The following ADGRV1 variants were observed in gnomAD, a reference collection of about 807,000 sequenced individuals.
The protein encoded by ADGRV1 is adhesion G protein-coupled receptor V1.
ADGRV1 carries 359 observed loss-of-function variants against 596.2 expected under a neutral mutation model. That is an observed-to-expected ratio of 0.60 (90% CI 0.55 to 0.66). The LOEUF is 0.66. Among genes scored for constraint, ADGRV1 ranks in the 30% least tolerant of loss-of-function variants. The pLI is 0.00. For missense variants in ADGRV1, 7,274 were observed against 7,575.6 expected (o/e 0.96, Z 1.48); for synonymous variants, 2,681 against 2,679.2 (o/e 1.00, Z -0.02).
In ADGRV1 at chr5:90,741,289, T is replaced by A. The variant is rs142233937; in HGVS notation, c.10550-3757T>A. ...CTGCCTGTCTCTGTTCTGCTCATTC[T>A]TTCCTTAAATAACTTCTCTTTACAT... On this transcript the variant is annotated intron_variant, in intron 50 of 89. Coordinates refer to ENST00000405460, the MANE Select transcript of ADGRV1 (RefSeq NM_032119.4). 3.2e-4 allele frequency among the ~76,000 whole-genome samples: 49 copies of A among 152,336 alleles called. 1 individual carries two copies. The East Asian group carries it at 8.3e-3, about 26-fold the overall frequency.
intron 85 of ADGRV1, among the ~76,000 whole-genome samples, chr5:91,043,151 C>T (rs1785509207): frequency 2.0e-5 from 3 of 152,136 alleles, no homozygotes; most frequent in Admixed American, 2.0e-4. Context: ...TTCATTATTT[C>T]AGATGTAATC....
intron 87 of ADGRV1, among the ~76,000 whole-genome samples, chr5:91,120,523 A>G (rs187289506): frequency 6.6e-6 from 1 of 152,156 alleles, no homozygotes; most frequent in East Asian, 1.9e-4. Context: ...CAAATTTTCT[A>G]CACTGAACAT....
intron 1 of ADGRV1, among the ~76,000 whole-genome samples, chr5:90,601,585 C>A (rs558739739): frequency 1.3e-5 from 2 of 152,022 alleles, no homozygotes; most frequent in Non-Finnish European, 2.9e-5. Flanking sequence ...TCAAAATAAC[C>A]AAATAAAGTC....
chr5:90,821,371 G>A (rs1464532476), intron 75 of ADGRV1, among the ~76,000 whole-genome samples: 34 of 150,730 alleles, frequency 2.3e-4, no homozygotes, highest in East Asian at 1.4e-3. Context: ...ATGTCCTCCC[G>A]TAGCTCAGAG....
intron 83 of ADGRV1, among the ~76,000 whole-genome samples, chr5:90,903,165 C>G (rs1772006916): frequency 6.6e-6 from 1 of 152,016 alleles, no homozygotes; most frequent in South Asian, 2.1e-4. Context: ...TGGAAAAATC[C>G]TATTGGATCA....
intron 85 of ADGRV1, among the ~76,000 whole-genome samples, chr5:91,053,196 C>T (rs73187156): frequency 0.037 from 5,664 of 152,232 alleles, 147 homozygotes; most frequent in South Asian, 0.12. Context: ...CCTTATATTA[C>T]AGCTCTCTTG....
At chr5:91,009,657 A>AT (rs140831636) in intron 85 of ADGRV1, among the ~76,000 whole-genome samples, 28,907 of 151,996 alleles carry the variant, frequency 0.19, 2,918 homozygotes, top group East Asian at 0.35. Context: ...TATGATTTTA[A>AT]TAAAAGAATT....
chr5:90,639,671 G>A (rs1028211506), intron 11 of ADGRV1, among the ~76,000 whole-genome samples: 4 of 152,030 alleles, frequency 2.6e-5, no homozygotes, highest in African/African-American at 9.7e-5. Context: ...GTTTTAATTT[G>A]ACTAGTAATT....
intron 48 of ADGRV1, 62 bp downstream of exon 48, chr5:90,725,718 AATT>A: frequency 1.1e-6 from 1 of 924,786 alleles, no homozygotes; most frequent in Non-Finnish European, 1.7e-6. Flanking sequence ...TTATAATTGA[AATT>A]TACCAAAGGT....
At chr5:90,596,421 T>C (rs1580394179) in intron 1 of ADGRV1, among the ~76,000 whole-genome samples, 1 of 151,590 alleles carries the variant, frequency 6.6e-6, no homozygotes, top group South Asian at 2.1e-4. Flanking sequence ...CTCGGCACTT[T>C]GGGAGGCCAA....
At chr5:90,916,162 A>G (rs973124428) in intron 83 of ADGRV1, among the ~76,000 whole-genome samples, 3 of 140,894 alleles carry the variant, frequency 2.1e-5, no homozygotes, top group Non-Finnish European at 4.8e-5. Flanking sequence ...TTATGTTTTT[A>G]TGGATTTTTT....
rs781481036 is a variant in ADGRV1 at position 90,900,346 on chromosome 5, TA to T, written c.17856+36492del. Among the ~76,000 whole-genome samples, 15 of 151,068 alleles carry T rather than the reference TA, an allele frequency of 9.9e-5. No individual in the cohort carries two copies. The South Asian group carries it at 1.3e-3, about 13-fold the overall frequency. ...TTGCCATTCTTTTTTTTTTTTTTTTTAAATCTAGATCTGTGCTTCTGGTGTG... is the reference window on the plus strand; with the variant it reads ...TTGCCATTCTTTTTTTTTTTTTTTTTAATCTAGATCTGTGCTTCTGGTGTG... On this transcript the variant is annotated intron_variant, in intron 83 of 89. Transcript: ENST00000405460.
At chr5:90,650,398 C>A (rs1402696192) in intron 17 of ADGRV1, among the ~76,000 whole-genome samples, 1 of 152,080 alleles carries the variant, frequency 6.6e-6, no homozygotes, top group Non-Finnish European at 1.5e-5. Flanking sequence ...TTATTATATG[C>A]TCTTTATTTA....
At chr5:91,047,818 C>T (rs904792274) in intron 85 of ADGRV1, among the ~76,000 whole-genome samples, 5 of 152,144 alleles carry the variant, frequency 3.3e-5, no homozygotes, top group African/African-American at 1.2e-4. Context: ...TGAAAGAAGT[C>T]TTCTGCCACT....
intron 1 of ADGRV1, among the ~76,000 whole-genome samples, chr5:90,598,250 G>T (rs1760957942): frequency 1.3e-5 from 2 of 152,166 alleles, no homozygotes; most frequent in Non-Finnish European, 2.9e-5. Context: ...AGTACTTTTT[G>T]AATGCCATTG....
At chr5:90,681,007 C>G (rs1744856161) in intron 26 of ADGRV1, among the ~76,000 whole-genome samples, 1 of 152,116 alleles carries the variant, frequency 6.6e-6, no homozygotes, top group Non-Finnish European at 1.5e-5. Flanking sequence ...GGGAGACCTT[C>G]CTCATATACT....
chr5:91,088,462 TA>T (rs902479797), intron 86 of ADGRV1, among the ~76,000 whole-genome samples: 2 of 152,160 alleles, frequency 1.3e-5, no homozygotes, highest in Admixed American at 6.5e-5. Context: ...AACAAGAATG[TA>T]GCAAGATCTG....
chr5:90,595,363 A>G (rs1465765557), intron 1 of ADGRV1, among the ~76,000 whole-genome samples: 1 of 43,124 alleles, frequency 2.3e-5, no homozygotes, highest in Admixed American at 1.8e-4. Flanking sequence ...TCCCTCCCGG[A>G]CGGGGCGGCT....
intron 1 of ADGRV1, among the ~76,000 whole-genome samples, chr5:90,576,478 G>A (rs1580323708): frequency 1.3e-5 from 2 of 152,256 alleles, no homozygotes; most frequent in East Asian, 1.9e-4. Context: ...ATTCCATGGT[G>A]TATATGTGCC....
Sources: gnomAD v4.1 joint callset for allele counts (sites outside exome capture counted in the v4.1 genomes callset) on GRCh38, gnomAD v4.1.1 for gene constraint, MANE v1.5 for transcripts, NCBI Gene and HGNC (gene_info 2026-07-23, HGNC 2026-07-21) for gene names.